Variants in ABCC9 observed in about 807,000 individuals in gnomAD.
ABCC9 encodes the protein ATP binding cassette subfamily C member 9.
Under a neutral mutation model 188.3 loss-of-function variants are expected in ABCC9, and 95 were observed. The ratio of observed to expected loss-of-function variants is 0.50; its 90% CI spans 0.43 to 0.60. ABCC9 has a LOEUF of 0.60. ABCC9 is among the 20% of genes least tolerant of loss of function. ABCC9 has a pLI of 0.00. For missense variants in ABCC9, 1,102 were observed against 1,876.3 expected (o/e 0.59, Z 7.62); for synonymous variants, 659 against 652.7 (o/e 1.01, Z -0.15).
chr12:21,805,405 A>G, intron 39 of ABCC9: 1 of 1,222,170 alleles, frequency 8.2e-7, no homozygotes, highest in Non-Finnish European at 1.2e-6. Flanking sequence ...GTAAGCCTAA[A>G]TATGAGCAAG....
At position 21,895,255 on chromosome 12, in the gene ABCC9, A is replaced by G. The variant is rs1211007294; in HGVS notation, c.1659+20T>C. ...ACACTGACTTGGTTTCATTTCTAAA[A>G]GAGAGAAAAAGTGTCTTACAGCAAG... On this transcript the variant is annotated intron_variant, in intron 13 of 39. Coordinates refer to ENST00000261200, the MANE Select transcript of ABCC9 (RefSeq NM_020297.4). 1 of 1,606,796 alleles carries G rather than the reference A, an allele frequency of 6.2e-7. No individual in the cohort carries two copies. The highest frequency in any genetic ancestry group is 8.5e-7 in the Non-Finnish European group (1 of 1,173,528).
In ABCC9 at chr12:21,933,795, T is replaced by C. The variant is rs1290561675; in HGVS notation, c.271A>G (p.Ile91Val). 1.2e-6 allele frequency: 2 copies of C among 1,613,428 alleles called. No individual in the cohort carries two copies. Among genetic ancestry groups the C allele is most frequent in the Admixed American group, 1.7e-5 (1 of 59,982 alleles). Residue 91 changes from isoleucine (I) to valine (V), a missense_variant, in exon 4 of 40, where the codon ATT becomes GTT. Physicochemically the swap from Ile to Val is conservative, Grantham distance 29. Transcript: ENST00000261200. Reference sequence around the variant, plus strand: ...TAGATCACTTACGAGTCTGAAACAATGCCTTCTGCTATTTCACAGACATGC... The same window carrying C: ...TAGATCACTTACGAGTCTGAAACAACGCCTTCTGCTATTTCACAGACATGC... Reference protein sequence around the residue: ...FVHVCEIAEGIVSDSRRESRH... With the variant: ...FVHVCEIAEGVVSDSRRESRH...
chr12:21,811,880 T>C (rs936209027), intron 36 of ABCC9, among the ~76,000 whole-genome samples, 169 bp downstream of exon 36: 1 of 152,142 alleles, frequency 6.6e-6, no homozygotes, highest in Non-Finnish European at 1.5e-5. Flanking sequence ...ATTTTATAGG[T>C]TAATTTACAA....
At chr12:21,849,988 T>A (rs1944878198) in intron 24 of ABCC9, among the ~76,000 whole-genome samples, 1 of 152,022 alleles carries the variant, frequency 6.6e-6, no homozygotes, top group African/African-American at 2.4e-5. Context: ...TTTCAAGCAC[T>A]GCATTAGGAA....
In ABCC9 at chr12:21,926,050, T is replaced by A; in HGVS notation, c.298A>T (p.Arg100Trp). 1 of 1,614,122 alleles carries A rather than the reference T, an allele frequency of 6.2e-7. No homozygotes were observed. The highest frequency in any genetic ancestry group is 8.5e-7 in the Non-Finnish European group (1 of 1,179,992). The change falls in exon 5 of 40, where the codon AGG becomes TGG. Residue 100 changes from arginine to tryptophan, a missense_variant. Physicochemically the swap from Arg to Trp is moderately radical, Grantham distance 101. Around this residue, in one of 12 missense-constraint regions of ABCC9, gnomAD observed 305 missense variants for 573.0 expected, o/e 0.53. Coordinates refer to ENST00000261200, the MANE Select transcript of ABCC9 (RefSeq NM_020297.4). ...GIVSDSRRES[R>W]HLHLFMPAVM... is the part of the protein sequence containing the mutation. ...GCTGGCATAAAGAGGTGGAGGTGCC[T>A]TGATTCCCGCCGCCTAGAAAGAGCA...
chr12:21,842,609 A>G (rs1944452038), intron 28 of ABCC9, 138 bp from the exon 29 acceptor site: 1 of 836,596 alleles, frequency 1.2e-6, no homozygotes, highest in Non-Finnish European at 2.0e-6. Context: ...ATCCTAAGCA[A>G]TTCTTCACTC....
intron 29 of ABCC9, among the ~76,000 whole-genome samples, chr12:21,841,719 T>C (rs1944406146): frequency 6.6e-6 from 1 of 152,014 alleles, no homozygotes. Flanking sequence ...GAGTGAAAAA[T>C]TTGTCAGTCT....
intron 26 of ABCC9, among the ~76,000 whole-genome samples, chr12:21,845,249 AT>A (rs1334637832): frequency 5.9e-5 from 9 of 152,148 alleles, no homozygotes; most frequent in African/African-American, 2.2e-4. Context: ...ACCAGCTAAT[AT>A]ACTGATGTAG....
rs1944773063 is a variant in ABCC9, at chr12:21,848,047, T to C, written c.2866+103A>G. ...TATTACTTGATTTAATTTTTTCCCC[T>C]GGCAAAGTGGCTTATTATTCCTCAT... On this transcript the variant is annotated intron_variant, in intron 25 of 39. Transcript: ENST00000261200. 6 of 978,682 alleles carry C rather than the reference T, an allele frequency of 6.1e-6. No individual in the cohort carries two copies. In the East Asian group the frequency reaches 1.5e-4, roughly 25 times the overall value. 60.6% of individuals were successfully genotyped at this position (978,682 alleles called of 1,614,324 possible).
intron 30 of ABCC9, among the ~76,000 whole-genome samples, chr12:21,830,100 G>A (rs1433987620): frequency 2.6e-5 from 4 of 152,092 alleles, no homozygotes; most frequent in African/African-American, 9.7e-5. Flanking sequence ...AGCAAATTAA[G>A]TTAATTCTTG....
At chr12:21,858,994 T>C (rs1592087729) in intron 22 of ABCC9, among the ~76,000 whole-genome samples, 1 of 152,186 alleles carries the variant, frequency 6.6e-6, no homozygotes, top group Non-Finnish European at 1.5e-5. Context: ...TCAAATTTTA[T>C]TTCTAGATCC....
chr12:21,860,343 T>G (rs1008791684), intron 21 of ABCC9, among the ~76,000 whole-genome samples: 5 of 152,194 alleles, frequency 3.3e-5, no homozygotes, highest in Admixed American at 2.0e-4. Context: ...ACCACTACCT[T>G]GGCAACTGTG....
intron 5 of ABCC9, among the ~76,000 whole-genome samples, chr12:21,920,125 A>T (rs1948750507): frequency 6.6e-6 from 1 of 152,020 alleles, no homozygotes; most frequent in African/African-American, 2.4e-5. Flanking sequence ...AAAACCTATA[A>T]CTAACATTAC....
chr12:21,807,927 G>A (rs1362258137), intron 37 of ABCC9, among the ~76,000 whole-genome samples: 4 of 151,910 alleles, frequency 2.6e-5, no homozygotes, highest in African/African-American at 9.7e-5. Flanking sequence ...TAAGTACCAA[G>A]TGGATAAGGA....
chr12:21,927,127 C>T (rs1404566422), intron 4 of ABCC9, among the ~76,000 whole-genome samples: 1 of 152,106 alleles, frequency 6.6e-6, no homozygotes, highest in African/African-American at 2.4e-5. Flanking sequence ...TGTGCAAATA[C>T]ATAGAAGCAT....
chr12:21,842,301 C>T lies in ABCC9; in HGVS notation c.3473+13G>A. On this transcript the variant is annotated intron_variant, in intron 29 of 39. Transcript: ENST00000261200. Reference sequence around the variant, plus strand: ...TAAGCTTTTGAAAATGAGTGGGATGCTGTTTTACTTACTTAGAGGCAACCC... The same window carrying T: ...TAAGCTTTTGAAAATGAGTGGGATGTTGTTTTACTTACTTAGAGGCAACCC... The T allele has an allele frequency of 1.9e-6, 3 of 1,612,336 alleles. No individual in the cohort carries two copies. Among genetic ancestry groups the T allele is most frequent in the Non-Finnish European group, 2.5e-6 (3 of 1,178,940 alleles).
chr12:21,828,082 T>C (rs1943493474), intron 31 of ABCC9, among the ~76,000 whole-genome samples: 1 of 152,210 alleles, frequency 6.6e-6, no homozygotes, highest in African/African-American at 2.4e-5. Flanking sequence ...CTCTCAATAG[T>C]AGAGATAAAC....
In ABCC9 at chr12:21,815,829, G is replaced by A. The variant is rs778660636; in HGVS notation, c.3957C>T (p.Val1319=). The A allele has an allele frequency of 6.2e-7, 1 of 1,613,328 alleles. No homozygotes were observed. The highest frequency in any genetic ancestry group is 1.7e-5 in the Admixed American group (1 of 59,932). Residue 1319 remains valine, a synonymous_variant, in exon 34 of 40, where the codon GTC becomes GTT. Coordinates refer to ENST00000261200, the MANE Select transcript of ABCC9 (RefSeq NM_020297.4). ...CAGGTTTCAGATTATTTTCATATCT[G>A]ACACACAGATCATGTATCTTGATCT... is the stretch of plus-strand genomic sequence containing the variant. ...EGEIKIHDLC[V]RYENNLKPVL...
At chr12:21,871,246 G>T (rs112179175) in intron 18 of ABCC9, among the ~76,000 whole-genome samples, 4,269 of 152,240 alleles carry the variant, frequency 0.028, 84 homozygotes, top group Non-Finnish European at 0.041. Context: ...TGAGGTTAGT[G>T]ACTGACACCA....
Sources: gnomAD v4.1 joint callset for allele counts (sites outside exome capture counted in the v4.1 genomes callset) on GRCh38, gnomAD v4.1.1 for gene constraint, gnomAD v4.1.1 regional missense constraint, MANE v1.5 for transcripts, NCBI Gene and HGNC (gene_info 2026-07-23, HGNC 2026-07-21) for gene names.